ABLIM1: variants seen among roughly 807,000 people sequenced by gnomAD.
The protein encoded by ABLIM1 is actin binding LIM protein 1, also known as actin-binding LIM protein 1.
Under a neutral mutation model 107.0 loss-of-function variants are expected in ABLIM1, and 40 were observed. The ratio of observed to expected loss-of-function variants is 0.37; its 90% CI spans 0.29 to 0.49. The LOEUF is 0.49. Among genes scored for constraint, ABLIM1 ranks in the 20% least tolerant of loss-of-function variants. The pLI is 0.97. For synonymous variants in ABLIM1, 357 were observed against 357.3 expected, an observed-to-expected ratio of 1.00 and a Z score of 0.01; for missense variants, 857 against 1,008.5, an observed-to-expected ratio of 0.85 and a Z score of 2.04.
chr10:114,613,822 T>C, intron 1 of ABLIM1: 1 of 1,082,342 alleles, frequency 9.2e-7, no homozygotes, highest in Non-Finnish European at 1.2e-6. Context: ...TTCAGGCTCC[T>C]TCAAGCTCTC....
At position 114,441,801 on chromosome 10, in the gene ABLIM1, A is replaced by C. The variant is rs1247002498; in HGVS notation, c.1934-15T>G. On this transcript the variant is annotated splice_polypyrimidine_tract_variant and intron_variant, in intron 17 of 22. Coordinates refer to ENST00000533213, the MANE Select transcript of ABLIM1 (RefSeq NM_002313.7). ...AATATGTGAAGCTGAGTAAGAAAAA[A>C]GTAAAAAACCAATTGTTAGGAAATC... is the stretch of plus-strand genomic sequence containing the variant. The C allele has an allele frequency of 4.4e-6, 7 of 1,608,566 alleles. No individual in the cohort carries two copies. In the South Asian group the frequency reaches 7.7e-5, roughly 18 times the overall value.
intron 6 of ABLIM1, among the ~76,000 whole-genome samples, chr10:114,517,345 A>T (rs2063010498): frequency 6.6e-6 from 1 of 152,196 alleles, no homozygotes; most frequent in African/African-American, 2.4e-5. Flanking sequence ...AGATGAAGGC[A>T]GAGACTGGAG....
rs1293660012 is a variant in ABLIM1 at position 114,432,328 on chromosome 10, T to A, written c.*3932A>T. ...GCTTCAGAGGACACAGGAGGGTTGA[T>A]GAGACAGTCTATTTTCCTTCCACCA... On this transcript the variant is annotated 3_prime_UTR_variant, in exon 23 of 23. Coordinates refer to ENST00000533213, the MANE Select transcript of ABLIM1 (RefSeq NM_002313.7). 6.6e-6 allele frequency: 1 copy of A among 152,196 alleles called. No homozygotes were observed. Among genetic ancestry groups the A allele is most frequent in the African/African-American group, 2.4e-5 (1 of 41,448 alleles). The allele number at this position is 152,196 out of a possible 1,614,324, so 9.4% of individuals were successfully genotyped here. A position where few individuals can be genotyped will look rare whatever the true frequency, so the allele number is the denominator to read the frequency against.
At position 114,517,116 on chromosome 10, in the gene ABLIM1, G is replaced by A. The variant is rs149101240; in HGVS notation, c.895-25238C>T. 1.1e-4 allele frequency among the ~76,000 whole-genome samples: 17 copies of A among 152,274 alleles called. No homozygotes were observed. The East Asian group carries it at 3.1e-3, about 28-fold the overall frequency. On this transcript the variant is annotated intron_variant, in intron 6 of 22. Coordinates refer to ENST00000533213, the MANE Select transcript of ABLIM1 (RefSeq NM_002313.7). The stretch of plus-strand genomic sequence containing the variant: ...CCTGAGAGGGAAGAGCAAGCACTCC[G>A]ATTTTTAGATGGGAGGGCATGGGCT...
chr10:114,759,398 GATA>G (rs1163780049), intron 1 of ABLIM1, among the ~76,000 whole-genome samples: 1 of 152,172 alleles, frequency 6.6e-6, no homozygotes, highest in Admixed American at 6.6e-5. Context: ...CCTTTCCCAT[GATA>G]ATGAAGGTCC....
chr10:114,570,835 G>A (rs1230792919), intron 4 of ABLIM1, among the ~76,000 whole-genome samples: 1 of 151,854 alleles, frequency 6.6e-6, no homozygotes, highest in African/African-American at 2.4e-5. Flanking sequence ...TTTTAAATGA[G>A]GCTCAAGCAA....
chr10:114,716,093 A>G (rs138083903), intron 1 of ABLIM1, among the ~76,000 whole-genome samples: 4 of 152,284 alleles, frequency 2.6e-5, no homozygotes, highest in African/African-American at 9.6e-5. Flanking sequence ...GTATTGTGAG[A>G]ATAGGGAAGG....
At chr10:114,437,601 G>A (rs1320894622) in intron 22 of ABLIM1, among the ~76,000 whole-genome samples, 1 of 151,696 alleles carries the variant, frequency 6.6e-6, no homozygotes, top group Non-Finnish European at 1.5e-5. Flanking sequence ...TTATGGGCGT[G>A]AGCCACCATG....
At chr10:114,794,303 T>C in the ABLIM1 span, among the ~76,000 whole-genome samples, 3 of 152,268 alleles carry the variant, frequency 2.0e-5, no homozygotes, top group Admixed American at 6.5e-5. Context: ...CTTTTGTTTA[T>C]TGATTCTCAT....
intron 1 of ABLIM1, among the ~76,000 whole-genome samples, chr10:114,625,836 C>T (rs918857937): frequency 4.6e-5 from 7 of 152,154 alleles, no homozygotes; most frequent in Non-Finnish European, 8.8e-5. Flanking sequence ...GATCTCTGAC[C>T]TCCTGTGAGT....
intron 4 of ABLIM1, among the ~76,000 whole-genome samples, chr10:114,566,475 T>C (rs1342534472): frequency 6.6e-6 from 1 of 152,202 alleles, no homozygotes. Flanking sequence ...GGTAAATACA[T>C]GAAGAAGGGA....
At chr10:114,765,610 C>A (rs1450774172) in intron 1 of ABLIM1, among the ~76,000 whole-genome samples, 1 of 152,128 alleles carries the variant, frequency 6.6e-6, no homozygotes, top group Non-Finnish European at 1.5e-5. Flanking sequence ...GTTTTGAAAT[C>A]TTTTAAAAAA....
At chr10:114,484,355 T>A (rs1331391732) in intron 8 of ABLIM1, among the ~76,000 whole-genome samples, 2 of 152,176 alleles carry the variant, frequency 1.3e-5, no homozygotes, top group African/African-American at 4.8e-5. Flanking sequence ...GTGCCTGTTC[T>A]CAGTTTCTTC....
At chr10:114,628,789 TTTA>T (rs1273295234) in intron 1 of ABLIM1, among the ~76,000 whole-genome samples, 1 of 152,268 alleles carries the variant, frequency 6.6e-6, no homozygotes, top group East Asian at 1.9e-4. Context: ...TTTGCTTATT[TTTA>T]TTTTCTGTAA....
intron 6 of ABLIM1, among the ~76,000 whole-genome samples, chr10:114,518,857 G>A (rs1400936204): frequency 6.6e-6 from 1 of 152,010 alleles, no homozygotes; most frequent in East Asian, 1.9e-4. Context: ...TGCTCAGACA[G>A]TGGCAGGGGA....
At chr10:114,589,540 AAGAG>A (rs201195402) in intron 2 of ABLIM1, among the ~76,000 whole-genome samples, 3 of 149,564 alleles carry the variant, frequency 2.0e-5, no homozygotes, top group East Asian at 2.0e-4. Flanking sequence ...AAAAAAAAAA[AAGAG>A]AGAGAGAGAG....
chr10:114,544,692 C>T (rs76828331), intron 6 of ABLIM1, among the ~76,000 whole-genome samples: 3,984 of 152,274 alleles, frequency 0.026, 178 homozygotes, highest in African/African-American at 0.091. Context: ...CATGATTTCA[C>T]ACCCTTTTCA....
At chr10:114,443,904 T>C in intron 17 of ABLIM1, 125 bp downstream of exon 17, 2 of 729,514 alleles carry the variant, frequency 2.7e-6, no homozygotes, top group Admixed American at 2.6e-5. Flanking sequence ...ATGGAGTGGG[T>C]TTCCCACACT....
At chr10:114,783,257 GA>G in the ABLIM1 span, among the ~76,000 whole-genome samples, 1 of 151,802 alleles carries the variant, frequency 6.6e-6, no homozygotes, top group South Asian at 2.1e-4. Flanking sequence ...CTGGGCAACA[GA>G]GTGAGACTCC....
Sources: gnomAD v4.1 joint callset for allele counts (sites outside exome capture counted in the v4.1 genomes callset) on GRCh38, gnomAD v4.1.1 for gene constraint, MANE v1.5 for transcripts, NCBI Gene and HGNC (gene_info 2026-07-23, HGNC 2026-07-21) for gene names.